The following LARP1B variants were observed in gnomAD, a reference collection of about 807,000 sequenced individuals.
LARP1B encodes la-related protein 1B.
In LARP1B, 76 loss-of-function variants were observed where a neutral mutation model predicts 114.2. That is an observed-to-expected ratio of 0.67 (90% CI 0.55 to 0.81). The LOEUF (loss-of-function observed/expected upper bound fraction) is 0.81, where lower values mean the gene tolerates loss of function less well. Ranked by LOEUF, LARP1B falls within the 30% of genes least tolerant of loss-of-function variation. The pLI is 0.00. For synonymous variants in LARP1B, 345 were observed against 348.0 expected, an observed-to-expected ratio of 0.99 and a Z score of 0.10; for missense variants, 1,014 against 1,075.8, an observed-to-expected ratio of 0.94 and a Z score of 0.80.
chr4:128,109,670 ATCT>A (rs1347807128), intron 9 of LARP1B, among the ~76,000 whole-genome samples: 2 of 151,844 alleles, frequency 1.3e-5, no homozygotes, highest in African/African-American at 4.8e-5. Flanking sequence ...AATTTTAATA[ATCT>A]TCACAAGGGC....
chr4:128,106,289 T>C (rs1464012154), intron 8 of LARP1B, among the ~76,000 whole-genome samples: 1 of 152,238 alleles, frequency 6.6e-6, no homozygotes, highest in Non-Finnish European at 1.5e-5. Flanking sequence ...CCCAAAGTGT[T>C]GGGATTACAG....
intron 15 of LARP1B, among the ~76,000 whole-genome samples, chr4:128,191,208 C>T (rs564809535): frequency 5.3e-5 from 8 of 151,840 alleles, no homozygotes; most frequent in African/African-American, 1.9e-4. Flanking sequence ...GTCTGTAGAA[C>T]TGTTATTTTG....
At chr4:128,091,185 G>C in intron 6 of LARP1B, 41 bp downstream of exon 6, 1 of 1,589,556 alleles carries the variant, frequency 6.3e-7, no homozygotes, top group African/African-American at 1.4e-5. Context: ...GATAAACTTT[G>C]AAAAAAATAG....
At chr4:128,125,615 C>T (rs1414196459) in intron 11 of LARP1B, among the ~76,000 whole-genome samples, 5 of 152,216 alleles carry the variant, frequency 3.3e-5, no homozygotes, top group East Asian at 1.9e-4. Flanking sequence ...CATGGTGGCG[C>T]GTGCCTGTAG....
intron 9 of LARP1B, among the ~76,000 whole-genome samples, chr4:128,113,618 G>A (rs145227627): frequency 1.8e-4 from 28 of 151,716 alleles, no homozygotes; most frequent in African/African-American, 6.8e-4. Flanking sequence ...TGGGATTGTA[G>A]GTGTGAGCCA....
chr4:128,196,704 T>C (rs1447493150), intron 15 of LARP1B, among the ~76,000 whole-genome samples: 2 of 151,960 alleles, frequency 1.3e-5, no homozygotes, highest in Non-Finnish European at 2.9e-5. Context: ...CTCTTAGTTA[T>C]ATATCAAAAG....
At position 128,098,765 on chromosome 4, in the gene LARP1B, ATATTTTT is replaced by A. The variant is rs1477230928; in HGVS notation, c.813+437_813+443del. On this transcript the variant is annotated intron_variant, in intron 8 of 19. Coordinates refer to ENST00000326639, the MANE Select transcript of LARP1B (RefSeq NM_018078.4). Reference sequence around the variant, plus strand: ...TGTATGTGTATATATATATATATATATATTTTTTTTTTTTTTTTTTTTTTTTTTTTAA... The same window carrying A: ...TGTATGTGTATATATATATATATATATTTTTTTTTTTTTTTTTTTTTTTAA... 1.8e-3 allele frequency among the ~76,000 whole-genome samples: 58 copies of A among 32,840 alleles called. 1 individual carries two copies. Among genetic ancestry groups the A allele is most frequent in the African/African-American group, 6.8e-3 (55 of 8,136 alleles). 21.5% of individuals were successfully genotyped at this position (32,840 alleles called of 152,430 possible).
At chr4:128,101,845 GTT>G (rs1780449984) in intron 8 of LARP1B, among the ~76,000 whole-genome samples, 1 of 152,054 alleles carries the variant, frequency 6.6e-6, no homozygotes, top group Non-Finnish European at 1.5e-5. Flanking sequence ...CTCAGCTGCC[GTT>G]TTTTATGAAG....
intron 15 of LARP1B, among the ~76,000 whole-genome samples, chr4:128,187,522 T>C (rs1237368726): frequency 1.3e-5 from 2 of 152,246 alleles, no homozygotes. Flanking sequence ...CATTGTATCT[T>C]GGAAGTACCT....
intron 12 of LARP1B, 55 bp from the exon 13 acceptor site, chr4:128,176,817 A>G (rs1252264296): frequency 6.7e-7 from 1 of 1,498,920 alleles, no homozygotes; most frequent in Non-Finnish European, 9.3e-7. Context: ...ATGAAACAAT[A>G]AATGGATAAA....
At chr4:128,098,747 G>GTGTATGTATATATATA in intron 8 of LARP1B, among the ~76,000 whole-genome samples, 1 of 15,594 alleles carries the variant, frequency 6.4e-5, no homozygotes, top group Non-Finnish European at 1.3e-4. Flanking sequence ...ATATGTATGT[G>GTGTATGTATATATATA]TATATATATA....
chr4:128,083,691 T>G (rs567034246), intron 5 of LARP1B, among the ~76,000 whole-genome samples: 2,146 of 126,218 alleles, frequency 0.017, 69 homozygotes, highest in African/African-American at 0.06. Context: ...CCCACCTCCC[T>G]CCCGGACAGG....
chr4:128,209,194 G>A (rs1197547874), intron 19 of LARP1B, among the ~76,000 whole-genome samples: 1 of 152,168 alleles, frequency 6.6e-6, no homozygotes, highest in African/African-American at 2.4e-5. Context: ...CGAGGCGGGT[G>A]GATCGCCTGA....
intron 5 of LARP1B, among the ~76,000 whole-genome samples, chr4:128,088,065 A>C (rs1392294514): frequency 6.6e-6 from 1 of 150,862 alleles, no homozygotes; most frequent in South Asian, 2.1e-4. Flanking sequence ...GGTGGCACTC[A>C]CCTGTAGTCC....
chr4:128,150,345 T>G (rs953642447), intron 11 of LARP1B, among the ~76,000 whole-genome samples: 13 of 150,248 alleles, frequency 8.7e-5, no homozygotes, highest in African/African-American at 3.2e-4. Context: ...TAGGCTGGAA[T>G]GCAGTGGTGA....
intron 12 of LARP1B, among the ~76,000 whole-genome samples, chr4:128,166,962 C>CTA (rs1415592949): frequency 1.5e-4 from 15 of 101,996 alleles, no homozygotes; most frequent in South Asian, 6.3e-4. Context: ...CTCTCTCTCT[C>CTA]TCTCTCTCTA....
At chr4:128,098,767 A>ATATATATATATATATTTT (rs1328165907) in intron 8 of LARP1B, among the ~76,000 whole-genome samples, 2 of 35,034 alleles carry the variant, frequency 5.7e-5, no homozygotes, top group African/African-American at 2.5e-4. Flanking sequence ...ATATATATAT[A>ATATATATATATATATTTT]TTTTTTTTTT....
intron 1 of LARP1B, among the ~76,000 whole-genome samples, chr4:128,066,590 G>A (rs1379345063): frequency 1.3e-5 from 2 of 150,130 alleles, no homozygotes; most frequent in Non-Finnish European, 2.9e-5. Flanking sequence ...CGATTCTCCT[G>A]CCTCAGCCAG....
At position 128,179,519 on chromosome 4, in the gene LARP1B, T is replaced by G; in HGVS notation, c.2003+7T>G. 1.3e-6 allele frequency: 2 copies of G among 1,529,882 alleles called. No homozygotes were observed. Among genetic ancestry groups the G allele is most frequent in the East Asian group, 2.3e-5 (1 of 43,258 alleles). The allele number at this position is 1,529,882 out of a possible 1,614,324, so 94.8% of individuals were successfully genotyped here. ...CAGGAACATCCTCTGTCAGGTACTA[T>G]ATTTCTCAAACATTACTTTTTTGTT... is the stretch of plus-strand genomic sequence containing the variant. On this transcript the variant is annotated splice_region_variant and intron_variant, in intron 15 of 19. Transcript: ENST00000326639.
Sources: allele counts gnomAD v4.1 joint callset (sites outside exome capture counted in the v4.1 genomes callset), GRCh38; gene constraint gnomAD v4.1.1; transcripts MANE v1.5; gene names NCBI Gene and HGNC (gene_info 2026-07-23, HGNC 2026-07-21).